Variants in ADARB2 observed in about 807,000 individuals in gnomAD.
The protein encoded by ADARB2 is adenosine deaminase RNA specific B2 (inactive), also known as inactive double-stranded RNA-specific editase B2.
ADARB2 carries 25 observed loss-of-function variants against 62.2 expected under a neutral mutation model. That is an observed-to-expected ratio of 0.40 (90% CI 0.29 to 0.56). The LOEUF (loss-of-function observed/expected upper bound fraction) is 0.56, where lower values mean the gene tolerates loss of function less well. Among genes scored for constraint, ADARB2 ranks in the 20% least tolerant of loss-of-function variants. ADARB2 has a pLI of 0.43. For missense variants in ADARB2, 1,071 were observed against 1,077.4 expected, an observed-to-expected ratio of 0.99 and a Z score of 0.08; for synonymous variants, 572 against 500.8, an observed-to-expected ratio of 1.14 and a Z score of -1.90.
chr10:1,545,423 G>T (rs1017072906), intron 1 of ADARB2, among the ~76,000 whole-genome samples: 3 of 152,182 alleles, frequency 2.0e-5, no homozygotes, highest in Non-Finnish European at 4.4e-5. Context: ...TGGGATATAA[G>T]ATAAAGGAAA....
chr10:1,672,496 G>A (rs1369207038), intron 1 of ADARB2, among the ~76,000 whole-genome samples: 1 of 152,148 alleles, frequency 6.6e-6, no homozygotes, highest in African/African-American at 2.4e-5. Context: ...GACGGATGCC[G>A]CCTCCAGGCC....
intron 1 of ADARB2, among the ~76,000 whole-genome samples, chr10:1,495,569 A>T (rs958932654): frequency 4.6e-5 from 7 of 152,226 alleles, no homozygotes; most frequent in Non-Finnish European, 8.8e-5. Context: ...AAAGATTTGG[A>T]GCTGCCTCCA....
intron 3 of ADARB2, among the ~76,000 whole-genome samples, chr10:1,298,475 G>C (rs1296054985): frequency 1.3e-5 from 2 of 152,244 alleles, no homozygotes; most frequent in East Asian, 3.9e-4. Context: ...TATTTGAGAT[G>C]CTATTGCGCT....
Position 1,185,028 on chromosome 10 carries a change from C to T in ADARB2, c.1876G>A (p.Ala626Thr), listed in dbSNP as rs2271275. 1,059,603 of 1,611,578 alleles carry T rather than the reference C, an allele frequency of 0.66. 353,975 individuals carry two copies. Among genetic ancestry groups the T allele is most frequent in the Middle Eastern group, 0.72 (3,996 of 5,566 alleles). The change falls in exon 9 of 10, where the codon GCC becomes ACC. Residue 626 changes from alanine to threonine, a missense_variant. By Grantham distance (58) the Ala-to-Thr change is moderately conservative. Coordinates refer to ENST00000381312, the MANE Select transcript of ADARB2 (RefSeq NM_018702.4). ...GACTTCCCCGGCTGGCGCGCCTCGG[C>T]GTCACTCACGCCTGTCGGGGAGATG... ...NRPLLSGVSD[A>T]EARQPGKSPP... is the part of the protein sequence containing the mutation.
At chr10:1,311,509 T>A (rs928798954) in intron 3 of ADARB2, among the ~76,000 whole-genome samples, 1 of 152,118 alleles carries the variant, frequency 6.6e-6, no homozygotes, top group African/African-American at 2.4e-5. Context: ...TTGTTTAATA[T>A]CTGAGTACAC....
intron 1 of ADARB2, among the ~76,000 whole-genome samples, chr10:1,454,997 G>A (rs760428347): frequency 2.6e-5 from 4 of 152,300 alleles, no homozygotes; most frequent in East Asian, 3.9e-4. Context: ...GTTTAGTCAC[G>A]TTGTAGAAAT....
At chr10:1,268,775 A>G (rs946758591) in intron 4 of ADARB2, among the ~76,000 whole-genome samples, 2 of 152,252 alleles carry the variant, frequency 1.3e-5, no homozygotes, top group African/African-American at 4.8e-5. Flanking sequence ...GAAGTCACTA[A>G]TTAGTGAAGC....
chr10:1,649,249 G>A (rs1834081815), intron 1 of ADARB2, among the ~76,000 whole-genome samples: 1 of 152,186 alleles, frequency 6.6e-6, no homozygotes, highest in African/African-American at 2.4e-5. Context: ...AATGTCCTTA[G>A]TCATGTACTT....
intron 1 of ADARB2, among the ~76,000 whole-genome samples, chr10:1,487,851 G>A (rs954302610): frequency 4.6e-5 from 7 of 152,114 alleles, no homozygotes; most frequent in African/African-American, 1.7e-4. Context: ...TTAAAAACAC[G>A]TGCCGCGGGT....
chr10:1,511,258 G>A (rs1012033251), intron 1 of ADARB2, among the ~76,000 whole-genome samples: 5 of 152,154 alleles, frequency 3.3e-5, no homozygotes, highest in African/African-American at 4.8e-5. Flanking sequence ...TATGTTCAAC[G>A]GATAGATTAT....
At chr10:1,349,457 T>C (rs1247101532) in intron 3 of ADARB2, among the ~76,000 whole-genome samples, 3 of 152,168 alleles carry the variant, frequency 2.0e-5, no homozygotes, top group Non-Finnish European at 4.4e-5. Flanking sequence ...GGACCTCCCT[T>C]AGGAGATCAA....
intron 1 of ADARB2, among the ~76,000 whole-genome samples, chr10:1,580,451 A>G (rs999810648): frequency 4.0e-5 from 6 of 151,038 alleles, no homozygotes; most frequent in Admixed American, 1.3e-4. Flanking sequence ...TGGCATTGTA[A>G]CTTATCTCTT....
chr10:1,715,936 T>C (rs1354484499), intron 1 of ADARB2, among the ~76,000 whole-genome samples: 1 of 152,204 alleles, frequency 6.6e-6, no homozygotes, highest in Non-Finnish European at 1.5e-5. Flanking sequence ...CTGTGCACAC[T>C]TCTCGCCCGA....
At chr10:1,482,600 T>C (rs1288352473) in intron 1 of ADARB2, among the ~76,000 whole-genome samples, 4 of 152,164 alleles carry the variant, frequency 2.6e-5, no homozygotes, top group Non-Finnish European at 4.4e-5. Context: ...TGGTGAGGTG[T>C]TGGCACAACA....
At chr10:1,544,008 AAAAAAC>A (rs1291152773) in intron 1 of ADARB2, among the ~76,000 whole-genome samples, 30 of 28,398 alleles carry the variant, frequency 1.1e-3, no homozygotes, top group Admixed American at 2.5e-3. Flanking sequence ...CAAAAAAAAA[AAAAAAC>A]AAACAAAAAA....
At position 1,643,089 on chromosome 10, in the gene ADARB2, G is replaced by C. The variant is rs189692309; in HGVS notation, c.100+93962C>G. On this transcript the variant is annotated intron_variant, in intron 1 of 9. Transcript: ENST00000381312. ...TCCACTTTACACCTGGGGAAACTGA[G>C]GCACAGACACCCAAAGGCCATGGGA... Among the ~76,000 whole-genome samples, 30 of 152,288 alleles carry C rather than the reference G, an allele frequency of 2.0e-4. No individual in the cohort carries two copies. In the East Asian group the frequency reaches 5.2e-3, roughly 26 times the overall value.
chr10:1,293,310 AG>A, intron 3 of ADARB2, among the ~76,000 whole-genome samples: 1 of 43,114 alleles, frequency 2.3e-5, no homozygotes, highest in African/African-American at 8.6e-5. Flanking sequence ...GGGAAGAGAG[AG>A]GGGAGGGAGG....
At chr10:1,686,563 C>G (rs762449018) in intron 1 of ADARB2, among the ~76,000 whole-genome samples, 24 of 152,152 alleles carry the variant, frequency 1.6e-4, no homozygotes, top group Non-Finnish European at 3.4e-4. Flanking sequence ...CGAACGTTCC[C>G]TCGTCACATG....
At chr10:1,601,569 T>G (rs1833413842) in intron 1 of ADARB2, among the ~76,000 whole-genome samples, 1 of 152,240 alleles carries the variant, frequency 6.6e-6, no homozygotes, top group Non-Finnish European at 1.5e-5. Flanking sequence ...TCATGTCTGT[T>G]CCTTTTGCAT....
Sources: allele counts gnomAD v4.1 joint callset (sites outside exome capture counted in the v4.1 genomes callset), GRCh38; gene constraint gnomAD v4.1.1; transcripts MANE v1.5; gene names NCBI Gene and HGNC (gene_info 2026-07-23, HGNC 2026-07-21).